The following LINGO2 variants were observed in gnomAD, a reference collection of about 807,000 sequenced individuals.
LINGO2 encodes leucine-rich repeat and immunoglobulin-like domain-containing nogo receptor-interacting protein 2.
LINGO2 carries 14 observed loss-of-function variants against 30.6 expected under a neutral mutation model. The observed-to-expected ratio is 0.46, with a 90% CI of 0.30 to 0.72. LINGO2 has a LOEUF of 0.72. Ranked by LOEUF, LINGO2 falls within the 30% of genes least tolerant of loss-of-function variation. LINGO2 has a pLI of 0.07. For synonymous variants in LINGO2, 317 were observed against 288.5 expected, an observed-to-expected ratio of 1.10 and a Z score of -1.00; for missense variants, 729 against 751.7, an observed-to-expected ratio of 0.97 and a Z score of 0.35.
At chr9:28,235,058 C>G (rs570680233) in intron 4 of LINGO2, among the ~76,000 whole-genome samples, 1 of 152,234 alleles carries the variant, frequency 6.6e-6, no homozygotes, top group East Asian at 1.9e-4. Flanking sequence ...AGGGAAGGCC[C>G]TTGGGCAAGG....
chr9:28,024,440 T>C (rs1051582030), intron 4 of LINGO2, among the ~76,000 whole-genome samples: 1 of 152,064 alleles, frequency 6.6e-6, no homozygotes, highest in African/African-American at 2.4e-5. Flanking sequence ...CAGTGGCTCT[T>C]CTTAGCTCAG....
chr9:28,085,205 A>G (rs1389290629), intron 4 of LINGO2, among the ~76,000 whole-genome samples: 2 of 152,194 alleles, frequency 1.3e-5, no homozygotes, highest in East Asian at 1.9e-4. Flanking sequence ...CTACAATGTA[A>G]AATGCTCACC....
chr9:28,670,610 A>C (rs1828973149), upstream of LINGO2, among the ~76,000 whole-genome samples: 1 of 152,148 alleles, frequency 6.6e-6, no homozygotes, highest in Non-Finnish European at 1.5e-5. Flanking sequence ...TATGTGCATT[A>C]CCACATCAAA....
chr9:28,136,778 G>A (rs1211134968), intron 4 of LINGO2, among the ~76,000 whole-genome samples: 2 of 152,274 alleles, frequency 1.3e-5, no homozygotes, highest in South Asian at 2.1e-4. Flanking sequence ...TAAACATATG[G>A]TTAAGCATTA....
intron 4 of LINGO2, among the ~76,000 whole-genome samples, chr9:28,234,771 G>C (rs1174123255): frequency 6.6e-6 from 1 of 152,172 alleles, no homozygotes; most frequent in Admixed American, 6.5e-5. Context: ...TTGGGACTCA[G>C]ACTGGCTTAC....
chr9:29,159,999 GT>G, the LINGO2 span, among the ~76,000 whole-genome samples: 37 of 152,096 alleles, frequency 2.4e-4, 1 homozygote, highest in Non-Finnish European at 1.3e-4. Flanking sequence ...AAATTATTTG[GT>G]TTCCAATTCT....
intron 3 of LINGO2, among the ~76,000 whole-genome samples, chr9:28,302,350 T>A (rs1824180787): frequency 1.3e-5 from 2 of 152,210 alleles, no homozygotes; most frequent in Non-Finnish European, 2.9e-5. Flanking sequence ...CAGTACCATT[T>A]CCTGATGGGA....
intron 1 of LINGO2, among the ~76,000 whole-genome samples, chr9:28,551,305 A>G (rs1822266135): frequency 6.6e-6 from 1 of 151,838 alleles, no homozygotes; most frequent in African/African-American, 2.4e-5. Flanking sequence ...AGAACTATAA[A>G]TGGCCTTGTA....
downstream of LINGO2, among the ~76,000 whole-genome samples, chr9:27,945,101 T>G (rs1823313484): frequency 6.6e-6 from 1 of 152,172 alleles, no homozygotes; most frequent in Non-Finnish European, 1.5e-5. Flanking sequence ...TATGCAGTGT[T>G]GAATGGCTTC....
the LINGO2 span, among the ~76,000 whole-genome samples, chr9:29,178,316 A>G: frequency 6.6e-6 from 1 of 152,092 alleles, no homozygotes; most frequent in African/African-American, 2.4e-5. Context: ...TCCGCCTCCC[A>G]AAGTGCTGGG....
the LINGO2 span, among the ~76,000 whole-genome samples, chr9:28,933,990 G>A: frequency 6.6e-6 from 1 of 152,012 alleles, no homozygotes; most frequent in East Asian, 1.9e-4. Flanking sequence ...TGATATTTAC[G>A]ATGACATAAG....
At chr9:28,410,495 C>T (rs1021095187) in intron 2 of LINGO2, among the ~76,000 whole-genome samples, 2 of 152,060 alleles carry the variant, frequency 1.3e-5, no homozygotes, top group African/African-American at 4.8e-5. Flanking sequence ...ACTCATAGAA[C>T]AATCATACAA....
the LINGO2 span, among the ~76,000 whole-genome samples, chr9:28,729,537 T>C: frequency 1.3e-5 from 2 of 151,962 alleles, no homozygotes; most frequent in Admixed American, 6.6e-5. Context: ...GAATCATTCA[T>C]CAAATGTCAA....
the LINGO2 span, among the ~76,000 whole-genome samples, chr9:29,150,605 G>A: frequency 5.3e-5 from 8 of 152,062 alleles, no homozygotes; most frequent in Non-Finnish European, 1.0e-4. Context: ...AAAAATTCAC[G>A]GCAAGAACTT....
At chr9:28,356,946 T>A (rs77727069) in intron 3 of LINGO2, among the ~76,000 whole-genome samples, 1 of 152,214 alleles carries the variant, frequency 6.6e-6, no homozygotes, top group African/African-American at 2.4e-5. Context: ...CTGAGAATTT[T>A]AAAGGGCTAC....
intron 3 of LINGO2, among the ~76,000 whole-genome samples, chr9:28,351,454 AAG>A (rs1271327206): frequency 6.6e-6 from 1 of 151,840 alleles, no homozygotes. Flanking sequence ...AACCAGGAAG[AAG>A]TTGAATCCCT....
the LINGO2 span, among the ~76,000 whole-genome samples, chr9:29,005,251 T>A: frequency 6.6e-6 from 1 of 152,004 alleles, no homozygotes; most frequent in Admixed American, 6.6e-5. Context: ...GGTTTAGTTA[T>A]AAAATTTTAA....
chr9:28,439,273 A>ATGTG (rs148850262), intron 2 of LINGO2, among the ~76,000 whole-genome samples: 2 of 150,364 alleles, frequency 1.3e-5, no homozygotes, highest in Non-Finnish European at 3.0e-5. Context: ...ATGTATATAT[A>ATGTG]TGTGTGTGTG....
chr9:28,985,034 C>T, the LINGO2 span, among the ~76,000 whole-genome samples: 7 of 152,198 alleles, frequency 4.6e-5, no homozygotes, highest in South Asian at 1.5e-3. Context: ...TGCCTCCATC[C>T]TCCAGGCTTC....
Sources: gnomAD v4.1 joint callset for allele counts (sites outside exome capture counted in the v4.1 genomes callset) on GRCh38, gnomAD v4.1.1 for gene constraint, MANE v1.5 for transcripts, NCBI Gene and HGNC (gene_info 2026-07-23, HGNC 2026-07-21) for gene names.